The following NUDCD1 variants were observed in gnomAD, a reference collection of about 807,000 sequenced individuals.
The protein encoded by NUDCD1 is nudC domain-containing protein 1.
NUDCD1 carries 60 observed loss-of-function variants against 67.8 expected under a neutral mutation model. The observed-to-expected ratio is 0.88, with a 90% CI of 0.72 to 1.10. The LOEUF is 1.10. Among genes scored for constraint, NUDCD1 ranks in the 50% least tolerant of loss-of-function variants. The pLI is 0.00. For missense variants in NUDCD1, 643 were observed against 695.0 expected (o/e 0.93, Z 0.84); for synonymous variants, 244 against 230.8 (o/e 1.06, Z -0.52).
intron 8 of NUDCD1, among the ~76,000 whole-genome samples, chr8:109,252,574 A>G (rs1813645777): frequency 6.6e-6 from 1 of 152,170 alleles, no homozygotes. Context: ...CATAAAGAAG[A>G]TCCTTTAAGT....
intron 1 of NUDCD1, among the ~76,000 whole-genome samples, chr8:109,324,816 G>A (rs1258642765): frequency 6.6e-6 from 1 of 152,222 alleles, no homozygotes; most frequent in African/African-American, 2.4e-5. Context: ...GCCGGGCGCC[G>A]AGGCTCAGGC....
chr8:109,322,515 T>C, intron 1 of NUDCD1, 52 bp from the exon 2 acceptor site: 1 of 1,449,296 alleles, frequency 6.9e-7, no homozygotes, highest in Non-Finnish European at 9.5e-7. Context: ...CCTCAGATAG[T>C]TTCTATCTGT....
At chr8:109,299,205 G>A (rs1348080985) in intron 2 of NUDCD1, among the ~76,000 whole-genome samples, 4 of 152,182 alleles carry the variant, frequency 2.6e-5, no homozygotes, top group Admixed American at 2.0e-4. Context: ...AAAGGAAATC[G>A]CCAGCTGAAC....
At chr8:109,297,522 C>CT (rs11403939) in intron 2 of NUDCD1, among the ~76,000 whole-genome samples, 54,621 of 151,864 alleles carry the variant, frequency 0.36, 10,664 homozygotes, top group South Asian at 0.5. Context: ...GAGTTTGTCT[C>CT]TTTTTCCCCC....
chr8:109,263,425 A>G (rs974145674), intron 8 of NUDCD1, among the ~76,000 whole-genome samples: 1 of 152,200 alleles, frequency 6.6e-6, no homozygotes. Context: ...TGTTTTGCCC[A>G]GTGGGAATTT....
chr8:109,291,675 A>T (rs1258485511), intron 4 of NUDCD1, among the ~76,000 whole-genome samples: 1 of 152,228 alleles, frequency 6.6e-6, no homozygotes, highest in Non-Finnish European at 1.5e-5. Context: ...AAAGAAAGAT[A>T]AAGGGAACAA....
At position 109,242,871 on chromosome 8, in the gene NUDCD1, C is replaced by A; in HGVS notation, c.*138G>T. ...GAATCATAATCTCTTGAATATATTT[C>A]CAATGTTATTAAAAAATAAAAAATC... On this transcript the variant is annotated 3_prime_UTR_variant, in exon 10 of 10. Transcript: ENST00000239690. The A allele has an allele frequency of 3.9e-6, 2 of 514,236 alleles. No homozygotes were observed. The highest frequency in any genetic ancestry group is 7.1e-5 in the South Asian group (2 of 28,174). 31.9% of individuals were successfully genotyped at this position (514,236 alleles called of 1,614,324 possible).
At chr8:109,271,299 A>G (rs1386952254) in intron 7 of NUDCD1, among the ~76,000 whole-genome samples, 169 bp from the exon 8 acceptor site, 1 of 152,216 alleles carries the variant, frequency 6.6e-6, no homozygotes, top group Non-Finnish European at 1.5e-5. Flanking sequence ...GATGAAGTCA[A>G]CAGAAAAGGA....
intron 3 of NUDCD1, among the ~76,000 whole-genome samples, chr8:109,294,779 T>C (rs1482905082): frequency 6.6e-6 from 1 of 152,010 alleles, no homozygotes; most frequent in Non-Finnish European, 1.5e-5. Flanking sequence ...TCTCCTTTAA[T>C]TTCTCTTTTT....
At chr8:109,263,455 C>A (rs1223861775) in intron 8 of NUDCD1, among the ~76,000 whole-genome samples, 2 of 152,168 alleles carry the variant, frequency 1.3e-5, no homozygotes, top group Non-Finnish European at 2.9e-5. Flanking sequence ...GAAATTGGCA[C>A]AAATATGCTA....
At chr8:109,314,794 A>G (rs924084313) in intron 2 of NUDCD1, among the ~76,000 whole-genome samples, 1 of 152,146 alleles carries the variant, frequency 6.6e-6, no homozygotes, top group African/African-American at 2.4e-5. Context: ...TAAACAGTAA[A>G]CAAGTAATAC....
At chr8:109,268,716 A>G in intron 8 of NUDCD1, among the ~76,000 whole-genome samples, 1 of 152,214 alleles carries the variant, frequency 6.6e-6, no homozygotes, top group Non-Finnish European at 1.5e-5. Context: ...AAGAACAACC[A>G]GATTCTTCAT....
intron 8 of NUDCD1, among the ~76,000 whole-genome samples, chr8:109,264,823 A>C (rs993125029): frequency 4.6e-5 from 7 of 152,170 alleles, no homozygotes; most frequent in African/African-American, 1.4e-4. Context: ...GAGATCTGCA[A>C]AAATGTAAAA....
At chr8:109,267,444 T>C (rs748564195) in intron 8 of NUDCD1, among the ~76,000 whole-genome samples, 8 of 152,206 alleles carry the variant, frequency 5.3e-5, no homozygotes, top group Non-Finnish European at 1.2e-4. Context: ...ACACTGCTAA[T>C]AGGAATGTAA....
At chr8:109,256,794 C>T (rs192434128) in intron 8 of NUDCD1, among the ~76,000 whole-genome samples, 30 of 151,114 alleles carry the variant, frequency 2.0e-4, no homozygotes, top group Admixed American at 1.3e-3. Context: ...ATGTAGTATT[C>T]CTGGCAAAAA....
intron 2 of NUDCD1, among the ~76,000 whole-genome samples, chr8:109,296,830 A>C (rs1814854806): frequency 6.6e-6 from 1 of 152,206 alleles, no homozygotes; most frequent in South Asian, 2.1e-4. Context: ...ACACATTCTG[A>C]GGGTGGCTAG....
At chr8:109,277,261 T>C (rs1433032420) in intron 6 of NUDCD1, among the ~76,000 whole-genome samples, 1 of 152,118 alleles carries the variant, frequency 6.6e-6, no homozygotes, top group East Asian at 1.9e-4. Context: ...ATTCTGCCTC[T>C]CTGAAAAAAT....
intron 5 of NUDCD1, among the ~76,000 whole-genome samples, chr8:109,282,843 C>CA (rs61423717): frequency 0.11 from 15,895 of 140,158 alleles, 2,155 homozygotes; most frequent in African/African-American, 0.33. Context: ...AAAAAAATTC[C>CA]AAAAAAAAAA....
chr8:109,258,823 A>T (rs1200227200), intron 8 of NUDCD1, among the ~76,000 whole-genome samples: 2 of 152,230 alleles, frequency 1.3e-5, no homozygotes, highest in African/African-American at 4.8e-5. Context: ...AACTAAAAGT[A>T]TATCTTTTCA....
Sources: gnomAD v4.1 joint callset for allele counts (sites outside exome capture counted in the v4.1 genomes callset) on GRCh38, gnomAD v4.1.1 for gene constraint, MANE v1.5 for transcripts, NCBI Gene and HGNC (gene_info 2026-07-23, HGNC 2026-07-21) for gene names.